Variants in PPFIA2 observed in about 807,000 individuals in gnomAD.
PPFIA2 encodes the protein liprin-alpha-2.
A neutral mutation model predicts 175.5 loss-of-function variants in PPFIA2; 46 were observed. The ratio of observed to expected loss-of-function variants is 0.26; its 90% confidence interval spans 0.21 to 0.34. PPFIA2 has a LOEUF of 0.34. Among genes scored for constraint, PPFIA2 ranks in the 10% least tolerant of loss-of-function variants. PPFIA2 has a pLI of 1.00. For missense variants in PPFIA2, 1,179 were observed against 1,506.1 expected, an observed-to-expected ratio of 0.78 and a Z score of 3.60; for synonymous variants, 568 against 511.4, an observed-to-expected ratio of 1.11 and a Z score of -1.49.
chr12:81,564,754 A>G (rs776395549), intron 4 of PPFIA2, among the ~76,000 whole-genome samples: 1 of 152,198 alleles, frequency 6.6e-6, no homozygotes, highest in Non-Finnish European at 1.5e-5. Context: ...TTCTAAGTTC[A>G]GTGGACAAAG....
chr12:81,652,873 C>A (rs1373409647), intron 4 of PPFIA2, among the ~76,000 whole-genome samples: 3 of 152,098 alleles, frequency 2.0e-5, no homozygotes, highest in Non-Finnish European at 4.4e-5. Context: ...CACTCCCAAC[C>A]CCACCCAAAT....
intron 4 of PPFIA2, among the ~76,000 whole-genome samples, chr12:81,593,638 C>T (rs1403201142): frequency 6.6e-6 from 1 of 152,058 alleles, no homozygotes; most frequent in Non-Finnish European, 1.5e-5. Flanking sequence ...GGATTTTTTA[C>T]AAAAGGCATT....
At chr12:81,497,603 G>A (rs1033123298) in intron 4 of PPFIA2, among the ~76,000 whole-genome samples, 3 of 143,546 alleles carry the variant, frequency 2.1e-5, no homozygotes, top group African/African-American at 5.2e-5. Context: ...GCAATGGTGC[G>A]ATCTCGGCTC....
At chr12:81,311,751 AAG>A (rs1313339975) in intron 22 of PPFIA2, among the ~76,000 whole-genome samples, 1,271 of 69,074 alleles carry the variant, frequency 0.018, 33 homozygotes, top group African/African-American at 0.066. Flanking sequence ...AAAAAAAAAA[AAG>A]AAAGAAAGAA....
intron 4 of PPFIA2, among the ~76,000 whole-genome samples, chr12:81,499,206 A>G (rs941697870): frequency 6.6e-6 from 1 of 152,176 alleles, no homozygotes; most frequent in Admixed American, 6.5e-5. Flanking sequence ...TGTGTCTTCA[A>G]AGGGTGCACC....
intron 5 of PPFIA2, among the ~76,000 whole-genome samples, chr12:81,452,434 C>A (rs1379582299): frequency 6.6e-6 from 1 of 152,138 alleles, no homozygotes; most frequent in Non-Finnish European, 1.5e-5. Context: ...TTACTCAACC[C>A]ACTCCATATC....
At chr12:81,299,885 A>T (rs2047390735) in intron 22 of PPFIA2, among the ~76,000 whole-genome samples, 1 of 152,094 alleles carries the variant, frequency 6.6e-6, no homozygotes, top group Non-Finnish European at 1.5e-5. Flanking sequence ...GGGTCCAGGG[A>T]TCTATCTTAG....
chr12:81,703,013 G>T (rs926395309), intron 3 of PPFIA2, among the ~76,000 whole-genome samples: 12 of 152,100 alleles, frequency 7.9e-5, no homozygotes, highest in African/African-American at 2.9e-4. Context: ...TGTTGTTTAA[G>T]CCACCTGGTC....
intron 5 of PPFIA2, among the ~76,000 whole-genome samples, chr12:81,446,331 A>G (rs2051248791): frequency 6.6e-6 from 1 of 152,206 alleles, no homozygotes; most frequent in Non-Finnish European, 1.5e-5. Flanking sequence ...AGAATCTATG[A>G]TTTCCCAGAG....
intron 5 of PPFIA2, 65 bp from the exon 6 acceptor site, chr12:81,445,785 T>C: frequency 6.8e-7 from 1 of 1,468,480 alleles, no homozygotes; most frequent in South Asian, 1.3e-5. Flanking sequence ...TACAAATGAC[T>C]TCCCCCTTAA....
intron 5 of PPFIA2, among the ~76,000 whole-genome samples, chr12:81,455,276 G>T (rs1266268864): frequency 6.6e-6 from 1 of 152,170 alleles, no homozygotes; most frequent in Non-Finnish European, 1.5e-5. Context: ...GGGGGATGGA[G>T]GAGGGTGAGA....
chr12:81,618,925 A>G (rs916582993), intron 4 of PPFIA2, among the ~76,000 whole-genome samples: 1 of 152,172 alleles, frequency 6.6e-6, no homozygotes, highest in Non-Finnish European at 1.5e-5. Context: ...AGTACCTATA[A>G]TAGTCTAGGC....
intron 4 of PPFIA2, among the ~76,000 whole-genome samples, chr12:81,635,617 T>C (rs2153505515): frequency 6.6e-6 from 1 of 152,272 alleles, no homozygotes; most frequent in Non-Finnish European, 1.5e-5. Flanking sequence ...TTCAGATGTG[T>C]GGTGGCTGGT....
chr12:81,404,959 G>T (rs2042678482), intron 8 of PPFIA2, among the ~76,000 whole-genome samples: 1 of 152,160 alleles, frequency 6.6e-6, no homozygotes, highest in Non-Finnish European at 1.5e-5. Context: ...AGGAGCTTAA[G>T]AATCCAAAGA....
intron 21 of PPFIA2, among the ~76,000 whole-genome samples, chr12:81,332,137 C>G (rs1052477746): frequency 7.9e-5 from 12 of 151,984 alleles, no homozygotes; most frequent in Admixed American, 2.6e-4. Context: ...ACTCTCACTT[C>G]TGCTTGGATG....
chr12:81,630,881 CTATATA>C (rs67242917), intron 4 of PPFIA2, among the ~76,000 whole-genome samples: 1 of 140,664 alleles, frequency 7.1e-6, no homozygotes, highest in South Asian at 2.3e-4. Context: ...TATGGAAAGG[CTATATA>C]TATATATATA....
intron 7 of PPFIA2, chr12:81,417,168 T>C (rs2045435885): frequency 6.6e-6 from 1 of 151,746 alleles, no homozygotes; most frequent in Non-Finnish European, 1.5e-5. Context: ...TATTTGGATG[T>C]TTTAGAACTA....
At chr12:81,758,263 T>C (rs2084994831) in intron 2 of PPFIA2, 137 bp downstream of exon 2, 3 of 405,670 alleles carry the variant, frequency 7.4e-6, no homozygotes, top group South Asian at 5.4e-5. Flanking sequence ...GAGGATGAGG[T>C]GAAAGCAAAA....
intron 7 of PPFIA2, among the ~76,000 whole-genome samples, chr12:81,424,378 A>G (rs2046794453): frequency 6.6e-6 from 1 of 152,196 alleles, no homozygotes; most frequent in Non-Finnish European, 1.5e-5. Flanking sequence ...CAGTGTTTAC[A>G]TATAAAATAC....
Sources: allele counts gnomAD v4.1 joint callset (sites outside exome capture counted in the v4.1 genomes callset), GRCh38; gene constraint gnomAD v4.1.1; transcripts MANE v1.5; gene names NCBI Gene and HGNC (gene_info 2026-07-23, HGNC 2026-07-21).